The following THSD4 variants were observed in gnomAD, a reference collection of about 807,000 sequenced individuals.
THSD4 encodes thrombospondin type 1 domain containing 4.
A neutral mutation model predicts 119.0 loss-of-function variants in THSD4; 69 were observed. The ratio of observed to expected loss-of-function variants is 0.58; its 90% CI spans 0.48 to 0.71. THSD4 has a LOEUF of 0.71. Ranked by LOEUF, THSD4 falls within the 30% of genes least tolerant of loss-of-function variation. THSD4 has a pLI of 0.00. For synonymous variants in THSD4, 524 were observed against 540.4 expected, an observed-to-expected ratio of 0.97 and a Z score of 0.42; for missense variants, 1,393 against 1,391.1, an observed-to-expected ratio of 1.00 and a Z score of -0.02.
chr15:71,346,951 G>T (rs1475280274), intron 6 of THSD4, among the ~76,000 whole-genome samples: 1 of 124,440 alleles, frequency 8.0e-6, no homozygotes, highest in East Asian at 2.7e-4. Context: ...TCGGCTCACC[G>T]CAGCCTCCGC....
At chr15:71,532,283 A>AGAGAGAGAGAGAGTGTGTGTGTGT (rs1379506089) in intron 7 of THSD4, among the ~76,000 whole-genome samples, 1 of 101,572 alleles carries the variant, frequency 9.8e-6, no homozygotes, top group Non-Finnish European at 2.1e-5. Flanking sequence ...AGAGAGAGAG[A>AGAGAGAGAGAGAGTGTGTGTGTGT]GTGTGTGTGT....
intron 15 of THSD4, among the ~76,000 whole-genome samples, chr15:71,759,989 T>A (rs2053603588): frequency 6.6e-6 from 1 of 152,188 alleles, no homozygotes; most frequent in South Asian, 2.1e-4. Flanking sequence ...CCCTAGGAAT[T>A]TGACATTATC....
intron 7 of THSD4, among the ~76,000 whole-genome samples, chr15:71,646,336 G>A (rs1292615253): frequency 6.6e-6 from 1 of 152,124 alleles, no homozygotes; most frequent in Admixed American, 6.5e-5. Context: ...TTGTCAAAAT[G>A]GAATCCTTGA....
intron 3 of THSD4, among the ~76,000 whole-genome samples, chr15:71,159,881 G>A (rs2043235088): frequency 6.6e-6 from 1 of 152,024 alleles, no homozygotes; most frequent in African/African-American, 2.4e-5. Flanking sequence ...AAAGGTGAAA[G>A]CTTTGCTCAG....
chr15:71,337,105 C>T (rs1038210732), intron 6 of THSD4, among the ~76,000 whole-genome samples: 2 of 152,136 alleles, frequency 1.3e-5, no homozygotes, highest in African/African-American at 2.4e-5. Flanking sequence ...GATGTAGTGA[C>T]CGCCTTGGTC....
chr15:71,540,074 C>T (rs2048737147), intron 7 of THSD4, among the ~76,000 whole-genome samples: 1 of 151,412 alleles, frequency 6.6e-6, no homozygotes, highest in African/African-American at 2.4e-5. Context: ...GCAAGGAGGA[C>T]TTGTGCATGG....
chr15:71,584,974 T>G (rs1479591065), intron 7 of THSD4, among the ~76,000 whole-genome samples: 1 of 150,168 alleles, frequency 6.7e-6, no homozygotes, highest in East Asian at 1.9e-4. Context: ...ATCTACATTT[T>G]TAACTTCTGT....
intron 3 of THSD4, among the ~76,000 whole-genome samples, chr15:71,206,330 T>A (rs200046589): frequency 1.3e-5 from 2 of 152,256 alleles, no homozygotes; most frequent in East Asian, 3.9e-4. Context: ...AGATTCTCTA[T>A]GAAGTGGTCC....
At chr15:71,671,635 G>T (rs763224398) in intron 8 of THSD4, among the ~76,000 whole-genome samples, 41 of 152,160 alleles carry the variant, frequency 2.7e-4, no homozygotes, top group South Asian at 8.3e-4. Context: ...TTTAAGTCTT[G>T]AATCCATCTT....
chr15:71,208,274 T>G (rs2043861065), intron 3 of THSD4, among the ~76,000 whole-genome samples: 1 of 152,112 alleles, frequency 6.6e-6, no homozygotes, highest in Admixed American at 6.5e-5. Flanking sequence ...GGATATATAT[T>G]TATGCAAATG....
intron 8 of THSD4, among the ~76,000 whole-genome samples, chr15:71,720,016 CAT>C (rs928714462): frequency 7.1e-6 from 1 of 140,766 alleles, no homozygotes; most frequent in African/African-American, 2.6e-5. Context: ...TGTGTAATAA[CAT>C]GTGCTTTTTT....
chr15:71,428,648 A>T (rs999064909), intron 7 of THSD4, among the ~76,000 whole-genome samples: 7 of 152,162 alleles, frequency 4.6e-5, no homozygotes, highest in African/African-American at 1.7e-4. Flanking sequence ...ATAGGTTAAA[A>T]TGGGTTTTTG....
At chr15:71,424,173 G>C (rs1398953945) in intron 7 of THSD4, among the ~76,000 whole-genome samples, 1 of 152,132 alleles carries the variant, frequency 6.6e-6, no homozygotes, top group African/African-American at 2.4e-5. Context: ...TCATATGAAG[G>C]TGCTTTTTTT....
chr15:71,537,011 C>T (rs1006552601), intron 7 of THSD4, among the ~76,000 whole-genome samples: 2 of 152,132 alleles, frequency 1.3e-5, no homozygotes, highest in African/African-American at 4.8e-5. Context: ...TTTGGATATA[C>T]CATAGTGTAT....
intron 7 of THSD4, among the ~76,000 whole-genome samples, chr15:71,614,982 G>T (rs1427934378): frequency 6.6e-6 from 1 of 152,190 alleles, no homozygotes. Flanking sequence ...TGCATGAGGT[G>T]TTGCGCGGAA....
At chr15:71,433,614 G>A (rs2046969680) in intron 7 of THSD4, among the ~76,000 whole-genome samples, 1 of 152,072 alleles carries the variant, frequency 6.6e-6, no homozygotes, top group South Asian at 2.1e-4. Context: ...GTACTCATTG[G>A]GCACACAGGT....
chr15:71,382,459 A>G (rs940754131), intron 6 of THSD4, among the ~76,000 whole-genome samples: 11 of 152,192 alleles, frequency 7.2e-5, no homozygotes, highest in African/African-American at 2.7e-4. Context: ...AATTCCTTTT[A>G]TAATACGCAT....
chr15:71,354,851 A>G (rs1356300885), intron 6 of THSD4, among the ~76,000 whole-genome samples: 1 of 152,188 alleles, frequency 6.6e-6, no homozygotes, highest in African/African-American at 2.4e-5. Flanking sequence ...AATACCTTCC[A>G]TATACAAAAC....
At chr15:71,590,670 T>C (rs376083964) in intron 7 of THSD4, among the ~76,000 whole-genome samples, 52 of 152,230 alleles carry the variant, frequency 3.4e-4, no homozygotes, top group African/African-American at 1.2e-3. Context: ...TTTACCTATG[T>C]AACAAACATG....
Sources: allele counts gnomAD v4.1 joint callset (sites outside exome capture counted in the v4.1 genomes callset), GRCh38; gene constraint gnomAD v4.1.1; transcripts MANE v1.5; gene names NCBI Gene and HGNC (gene_info 2026-07-23, HGNC 2026-07-21).